PAX4: variants seen among roughly 807,000 people sequenced by gnomAD.
PAX4 encodes paired box 4, also known as paired box protein Pax-4.
In PAX4, 33 loss-of-function variants were observed where a neutral mutation model predicts 40.6. That is an observed-to-expected ratio of 0.81 (90% CI 0.62 to 1.09). The LOEUF is 1.09. Ranked by LOEUF, PAX4 falls within the 50% of genes least tolerant of loss-of-function variation. PAX4 has a pLI of 0.00. For synonymous variants in PAX4, 174 were observed against 170.6 expected (o/e 1.02, Z -0.16); for missense variants, 459 against 442.5 (o/e 1.04, Z -0.33).
chr7:127,615,444 G>A lies in PAX4; in HGVS notation c.101C>T (p.Ala34Val), dbSNP rs1045734734. Residue 34 changes from alanine (A) to valine (V), a missense_variant, in exon 4 of 12, where the codon GCA (alanine) becomes GTA (valine). Physicochemically the swap from Ala to Val is moderately conservative, Grantham distance 64 (BLOSUM62 0). Transcript: ENST00000639438. ...LDTRQQIVRL[A>V]VSGMRPCDIS... ...GTCACAGGGCCGCATTCCACTGACT[G>A]CTAGCCGCACAATCTGCTGCCGGGT... 6.2e-7 allele frequency: 1 copy of A among 1,614,198 alleles called. No individual in the cohort carries two copies. The highest frequency in any genetic ancestry group is 8.5e-7 in the Non-Finnish European group (1 of 1,180,028).
At chr7:127,611,399 G>T in intron 11 of PAX4, 136 bp downstream of exon 11, 3 of 1,548,798 alleles carry the variant, frequency 1.9e-6, no homozygotes, top group Non-Finnish European at 2.6e-6. Context: ...GTAATTTTGT[G>T]GACCATGCAA....
rs1433606219 is a variant in PAX4 at position 127,617,381 on chromosome 7, G to C, written c.-206C>G. ...AAAGAGAAAACTGAGGCACAGATTG[G>C]CATTGCCACAAGTCAGGGGCTGTCC... On this transcript the variant is annotated 5_prime_UTR_variant, in exon 2 of 12. Coordinates refer to ENST00000639438, the MANE Select transcript of PAX4 (RefSeq NM_001366110.1). The C allele has an allele frequency of 3.3e-5, 5 of 152,290 alleles. No homozygotes were observed. Among genetic ancestry groups the C allele is most frequent in the Admixed American group, 3.3e-4 (5 of 15,292 alleles). The allele number at this position is 152,290 out of a possible 1,614,324, so 9.4% of individuals were successfully genotyped here. A position where few individuals can be genotyped will look rare whatever the true frequency, so the allele number is the denominator to read the frequency against.
chr7:127,614,551 A>G lies in PAX4; in HGVS notation c.367T>C (p.Ser123Pro). 1 of 1,591,376 alleles carries G rather than the reference A, an allele frequency of 6.3e-7. No individual in the cohort carries two copies. Among genetic ancestry groups the G allele is most frequent in the Admixed American group, 1.8e-5 (1 of 56,804 alleles). Residue 123 changes from serine (S) to proline (P), a missense_variant, in exon 6 of 12, where the codon TCC (serine) becomes CCC (proline). By Grantham distance (74) the Ser-to-Pro change is moderately conservative. Transcript: ENST00000639438. ...CTQDKTPSVSSINRVLRALQE... is the reference protein window; with the variant it reads ...CTQDKTPSVSPINRVLRALQE... ...AATGCCCGCAGGACTCGGTTGATGG[A>G]GGAGACCTGGGAGTGTCAGGGTGTT...
At chr7:127,614,228 C>T (rs1224981882) in intron 6 of PAX4, among the ~76,000 whole-genome samples, 2 of 152,046 alleles carry the variant, frequency 1.3e-5, no homozygotes, top group Admixed American at 6.5e-5. Context: ...TCAATAGATC[C>T]TGTGAACCCA....
Position 127,610,546 on chromosome 7 carries a change from A to AGTGTGTGTGT in PAX4, c.*508_*517dup, listed in dbSNP as rs36159526. The AGTGTGTGTGT allele has an allele frequency of 5.4e-5, 11 of 204,564 alleles. No individual in the cohort carries two copies. Among genetic ancestry groups the AGTGTGTGTGT allele is most frequent in the South Asian group, 2.2e-4 (2 of 9,190 alleles). 12.7% of individuals were successfully genotyped at this position (204,564 alleles called of 1,614,324 possible). A position where few individuals can be genotyped will look rare whatever the true frequency, so the allele number is the denominator to read the frequency against. The stretch of plus-strand genomic sequence containing the variant: ...GAATAAAATGCCATGATATAATGTC[A>AGTGTGTGTGT]GTGTGTGTGTGTGTGTGTGTGTGTG... On this transcript the variant is annotated 3_prime_UTR_variant, in exon 12 of 12. Transcript: ENST00000639438.
chr7:127,613,398 G>A (rs370436827), intron 8 of PAX4, 52 bp downstream of exon 8: 51 of 1,565,862 alleles, frequency 3.3e-5, no homozygotes, highest in African/African-American at 2.2e-4. Context: ...AGCCCTGGCC[G>A]GCCCAGACTC....
chr7:127,617,029 T>C (rs1244169856), intron 2 of PAX4, among the ~76,000 whole-genome samples: 3 of 152,244 alleles, frequency 2.0e-5, no homozygotes, highest in Non-Finnish European at 4.4e-5. Flanking sequence ...TTTCTTATAA[T>C]AAGCGTGCCA....
Position 127,611,156 on chromosome 7 carries a change from GA to G in PAX4, c.963del (p.Pro322LeufsTer92). ...PNSLDSGLLC[L>X]PCPSSHCHLA... ...AGGTGACAGTGGGAGGAAGGGCAAG[GA>G]AGGCAAAGCAGTCCTGAGTCCAGGG... On this transcript the variant is annotated frameshift_variant, in exon 12 of 12. Coordinates refer to ENST00000639438, the MANE Select transcript of PAX4 (RefSeq NM_001366110.1). LOFTEE classifies it low-confidence loss of function (END_TRUNC). 6.2e-7 allele frequency: 1 copy of G among 1,605,654 alleles called. No individual in the cohort carries two copies. Among genetic ancestry groups the G allele is most frequent in the African/African-American group, 1.3e-5 (1 of 74,972 alleles).
At chr7:127,617,033 C>T (rs536319430) in intron 2 of PAX4, among the ~76,000 whole-genome samples, 10 of 152,280 alleles carry the variant, frequency 6.6e-5, no homozygotes, top group East Asian at 3.9e-4. Flanking sequence ...TTATAATAAG[C>T]GTGCCATCTG....
intron 9 of PAX4, among the ~76,000 whole-genome samples, chr7:127,612,544 T>C (rs1794647879): frequency 6.7e-6 from 1 of 149,554 alleles, no homozygotes; most frequent in Admixed American, 6.6e-5. Flanking sequence ...GGTGAGCAGA[T>C]GGGTGGGTGA....
Position 127,613,850 on chromosome 7 carries a change from A to T in PAX4, c.468T>A (p.His156Gln), listed in dbSNP as rs762091729. 1 of 1,613,768 alleles carries T rather than the reference A, an allele frequency of 6.2e-7. No individual in the cohort carries two copies. The highest frequency in any genetic ancestry group is 8.5e-7 in the Non-Finnish European group (1 of 1,179,954). The change falls in exon 7 of 12, where the codon CAT becomes CAA. Residue 156 changes from histidine (H) to glutamine (Q), a missense_variant. By Grantham distance (24) the His-to-Gln change is conservative. Coordinates refer to ENST00000639438, the MANE Select transcript of PAX4 (RefSeq NM_001366110.1). ...AVLAPAVLTP[H>Q]SGSETPRGTH... ...TACCCCGGGGAGTCTCAGAGCCACT[A>T]TGGGGAGTGAGGACAGCTGGAGCCA...
intron 3 of PAX4, 79 bp from the exon 4 acceptor site, chr7:127,615,610 T>C: frequency 6.2e-7 from 1 of 1,607,552 alleles, no homozygotes; most frequent in Non-Finnish European, 8.5e-7. Context: ...CTCAGGCCCC[T>C]CCAGCCTGGC....
At chr7:127,612,994 C>A (rs369708414) in intron 9 of PAX4, 28 bp downstream of exon 9, 339 of 1,560,486 alleles carry the variant, frequency 2.2e-4, no homozygotes, top group Admixed American at 1.0e-3. Context: ...ACTGAGCGGG[C>A]AGATGGATGA....
intron 9 of PAX4, 80 bp from the exon 10 acceptor site, chr7:127,612,080 T>TAG (rs1794636260): frequency 6.4e-6 from 9 of 1,397,766 alleles, no homozygotes; most frequent in South Asian, 4.8e-5. Flanking sequence ...GCAGGAAGGT[T>TAG]GGATACAAAG....
rs753408567 is a variant in PAX4 at position 127,615,486 on chromosome 7, C to T, written c.59G>A (p.Arg20Gln). The change falls in exon 4 of 12, where the codon CGG (arginine) becomes CAG (glutamine). Residue 20 changes from arginine (R) to glutamine (Q), a missense_variant. Arg to Gln is a conservative substitution (Grantham distance 43). Coordinates refer to ENST00000639438, the MANE Select transcript of PAX4 (RefSeq NM_001366110.1). ...NQLGGLFVNGRPLPLDTRQQI... is the reference protein window; with the variant it reads ...NQLGGLFVNGQPLPLDTRQQI... The stretch of plus-strand genomic sequence containing the variant: ...CTGCCGGGTATCCAGAGGCAGGGGC[C>T]GGCCATTCACAAAGAGCCCCCCAAG... 45 of 1,614,092 alleles carry T rather than the reference C, an allele frequency of 2.8e-5. No individual in the cohort carries two copies. The Middle Eastern group carries it at 4.9e-4, about 18-fold the overall frequency.
At chr7:127,614,611 C>A (rs1794693739) in intron 5 of PAX4, 54 bp from the exon 6 acceptor site, 60 of 1,435,050 alleles carry the variant, frequency 4.2e-5, no homozygotes, top group Non-Finnish European at 5.8e-5. Flanking sequence ...CAGGGCTATA[C>A]CCTGAGGATG....
intron 2 of PAX4, among the ~76,000 whole-genome samples, chr7:127,616,843 A>T (rs1355222939): frequency 6.6e-6 from 1 of 152,252 alleles, no homozygotes; most frequent in Non-Finnish European, 1.5e-5. Context: ...GCTGAGCAAC[A>T]TAGAAACCGT....
rs910594645 is a variant in PAX4 at position 127,611,564 on chromosome 7, G to C, written c.884C>G (p.Pro295Arg). ...GCAGGGCTTGAGACAGGCTTTAGGT[G>C]GGGTGTCACTCAGACACCTTTCTGG... The part of the protein sequence containing the change: ...TAPERCLSDT[P>R]PKACLKPCWG... The change falls in exon 11 of 12, where the codon CCA becomes CGA. Residue 295 changes from proline (P) to arginine (R), a missense_variant. By Grantham distance (103) the Pro-to-Arg change is moderately radical. Coordinates refer to ENST00000639438, the MANE Select transcript of PAX4 (RefSeq NM_001366110.1). The C allele has an allele frequency of 3.7e-6, 6 of 1,613,592 alleles. No homozygotes were observed. In the African/African-American group the frequency reaches 8.0e-5, roughly 22 times the overall value.
Position 127,615,456 on chromosome 7 carries a change from A to G in PAX4, c.89T>C (p.Ile30Thr). ...CATTCCACTGACTGCTAGCCGCACA[A>G]TCTGCTGCCGGGTATCCAGAGGCAG... ...RPLPLDTRQQ[I>T]VRLAVSGMRP... The change falls in exon 4 of 12, where the codon ATT becomes ACT. Residue 30 changes from isoleucine to threonine, a missense_variant. Physicochemically the swap from Ile to Thr is moderately conservative, Grantham distance 89. Coordinates refer to ENST00000639438, the MANE Select transcript of PAX4 (RefSeq NM_001366110.1). 5 of 1,614,180 alleles carry G rather than the reference A, an allele frequency of 3.1e-6. No homozygotes were observed. Among genetic ancestry groups the G allele is most frequent in the East Asian group, 2.2e-5 (1 of 44,872 alleles).
Sources: allele counts gnomAD v4.1 joint callset (sites outside exome capture counted in the v4.1 genomes callset), GRCh38; gene constraint gnomAD v4.1.1; transcripts MANE v1.5; gene names NCBI Gene and HGNC (gene_info 2026-07-23, HGNC 2026-07-21).